PPIG: variants seen among roughly 807,000 people sequenced by gnomAD.
The protein encoded by PPIG is peptidylprolyl isomerase G.
In PPIG, 26 loss-of-function variants were observed where a neutral mutation model predicts 87.9. The observed-to-expected ratio is 0.30, with a 90% confidence interval of 0.22 to 0.41. PPIG has a LOEUF of 0.41. Ranked by LOEUF, PPIG falls within the 10% of genes least tolerant of loss-of-function variation. PPIG has a pLI of 1.00. For missense variants in PPIG, 722 were observed against 879.4 expected, an observed-to-expected ratio of 0.82 and a Z score of 2.26; for synonymous variants, 308 against 276.5, an observed-to-expected ratio of 1.11 and a Z score of -1.13.
At chr2:169,588,159 A>G (rs1048160189) in intron 1 of PPIG, among the ~76,000 whole-genome samples, 2 of 152,074 alleles carry the variant, frequency 1.3e-5, no homozygotes, top group African/African-American at 4.8e-5. Context: ...GCGAAACTCC[A>G]TCTCAAAAAA....
chr2:169,595,535 TA>T (rs1191231249), intron 1 of PPIG, among the ~76,000 whole-genome samples: 1 of 152,176 alleles, frequency 6.6e-6, no homozygotes, highest in Non-Finnish European at 1.5e-5. Flanking sequence ...TTGCACCCAT[TA>T]ACCATCCTCA....
chr2:169,627,476 A>G (rs977316604), intron 9 of PPIG, among the ~76,000 whole-genome samples: 6 of 152,158 alleles, frequency 3.9e-5, no homozygotes, highest in Admixed American at 6.6e-5. Flanking sequence ...TTGTTTATGA[A>G]ATGTATTTAA....
In PPIG at chr2:169,605,949, G is replaced by A; in HGVS notation, c.137-90G>A. 5 of 819,594 alleles carry A rather than the reference G, an allele frequency of 6.1e-6. No homozygotes were observed. In the South Asian group the frequency reaches 6.4e-5, roughly 11 times the overall value. The allele number at this position is 819,594 out of a possible 1,614,324, so 50.8% of individuals were successfully genotyped here. A position where few individuals can be genotyped will look rare whatever the true frequency, so the allele number is the denominator to read the frequency against. On this transcript the variant is annotated intron_variant, in intron 4 of 13. Transcript: ENST00000260970. The stretch of plus-strand genomic sequence containing the variant: ...TGAAAATATGATTTTAAGTCTGCAG[G>A]GTTCAAGAGGGGCATATTTTACATT...
chr2:169,622,586 C>T (rs1369158210), intron 9 of PPIG, among the ~76,000 whole-genome samples: 2 of 152,112 alleles, frequency 1.3e-5, no homozygotes, highest in African/African-American at 4.8e-5. Flanking sequence ...TGAGATTTGG[C>T]CCTTTATTAA....
rs987090896 is a variant in PPIG at position 169,633,386 on chromosome 2, T to C, written c.1017+139T>C. ...GATGCAGGCATTGAATTATATATTC[T>C]CTTTCTTAAGCAGCTTCTGTATGTT... On this transcript the variant is annotated intron_variant, in intron 12 of 13. Coordinates refer to ENST00000260970, the MANE Select transcript of PPIG (RefSeq NM_004792.3). The C allele has an allele frequency of 2.1e-5, 15 of 708,346 alleles. No individual in the cohort carries two copies. In the African/African-American group the frequency reaches 2.5e-4, roughly 12 times the overall value. The allele number at this position is 708,346 out of a possible 1,614,324, so 43.9% of individuals were successfully genotyped here. A position where few individuals can be genotyped will look rare whatever the true frequency, so the allele number is the denominator to read the frequency against.
In PPIG at chr2:169,636,790, A is replaced by T; in HGVS notation, c.1532A>T (p.Gln511Leu). 1.2e-6 allele frequency: 2 copies of T among 1,612,458 alleles called. No homozygotes were observed. The highest frequency in any genetic ancestry group is 1.7e-6 in the Non-Finnish European group (2 of 1,179,756). The change falls in exon 14 of 14, where the codon CAG (glutamine) becomes CTG (leucine). Residue 511 changes from glutamine to leucine, a missense_variant. Transcript: ENST00000260970. The part of the protein sequence containing the change: ...EKQSDSKGKD[Q>L]ERSRSKEKSK... Reference sequence around the variant, plus strand: ...CAGTCTGATTCTAAAGGAAAAGATCAGGAAAGGAGTAGAAGTAAAGAGAAG... The same window carrying T: ...CAGTCTGATTCTAAAGGAAAAGATCTGGAAAGGAGTAGAAGTAAAGAGAAG...
intron 1 of PPIG, among the ~76,000 whole-genome samples, chr2:169,598,396 T>C (rs1685080883): frequency 6.6e-6 from 1 of 152,082 alleles, no homozygotes; most frequent in Non-Finnish European, 1.5e-5. Flanking sequence ...GTTCACACCT[T>C]TCTCCTGCCT....
At chr2:169,633,663 T>TA (rs3214767) in intron 12 of PPIG, 29,576 of 204,522 alleles carry the variant, frequency 0.14, 2,333 homozygotes, top group African/African-American at 0.2. Context: ...TTTCCTGTCT[T>TA]ATGTCTTCAC....
At chr2:169,612,873 A>G (rs1482111861) in intron 7 of PPIG, among the ~76,000 whole-genome samples, 1 of 152,106 alleles carries the variant, frequency 6.6e-6, no homozygotes, top group Non-Finnish European at 1.5e-5. Flanking sequence ...TTGGTGGGTT[A>G]TATGCTAATA....
chr2:169,604,031 G>A lies in PPIG; in HGVS notation c.-11G>A. ...AAACTGTATTTTACTCACAGATTAAGTATTGGAGCCATGGGAATAAAGGTT... is the reference window on the plus strand; with the variant it reads ...AAACTGTATTTTACTCACAGATTAAATATTGGAGCCATGGGAATAAAGGTT... On this transcript the variant is annotated 5_prime_UTR_variant, in exon 3 of 14. Coordinates refer to ENST00000260970, the MANE Select transcript of PPIG (RefSeq NM_004792.3). 6.2e-7 allele frequency: 1 copy of A among 1,612,394 alleles called. No homozygotes were observed. The highest frequency in any genetic ancestry group is 8.5e-7 in the Non-Finnish European group (1 of 1,178,772).
intron 7 of PPIG, among the ~76,000 whole-genome samples, chr2:169,610,063 A>G (rs10211273): frequency 0.14 from 21,932 of 152,172 alleles, 1,651 homozygotes; most frequent in South Asian, 0.26. Flanking sequence ...TTAAAATCCT[A>G]TCTTATGGGT....
intron 9 of PPIG, among the ~76,000 whole-genome samples, chr2:169,619,808 T>C (rs990295137): frequency 6.6e-6 from 1 of 152,134 alleles, no homozygotes; most frequent in Non-Finnish European, 1.5e-5. Flanking sequence ...AGTGTAGTTT[T>C]AATTTGCATT....
In PPIG at chr2:169,639,459, G is replaced by A. The variant is rs1170700248; in HGVS notation, c.*1936G>A. On this transcript the variant is annotated 3_prime_UTR_variant, in exon 14 of 14. Coordinates refer to ENST00000260970, the MANE Select transcript of PPIG (RefSeq NM_004792.3). ...TGCTAAGTAAAAATTCTTACATGTTGTCTGATCCCAGAGCTTTATCTACTA... is the reference window on the plus strand; with the variant it reads ...TGCTAAGTAAAAATTCTTACATGTTATCTGATCCCAGAGCTTTATCTACTA... The A allele has an allele frequency of 6.6e-6, 1 of 151,924 alleles. No homozygotes were observed. The highest frequency in any genetic ancestry group is 1.5e-5 in the Non-Finnish European group (1 of 67,916). 9.4% of individuals were successfully genotyped at this position (151,924 alleles called of 1,614,324 possible).
intron 9 of PPIG, among the ~76,000 whole-genome samples, chr2:169,630,136 T>G (rs1217935844): frequency 1.8e-5 from 2 of 114,230 alleles, no homozygotes; most frequent in Non-Finnish European, 3.7e-5. Context: ...TCCTTTAAAC[T>G]CTGAGTTTTT....
Position 169,639,809 on chromosome 2 carries a change from C to A in PPIG, c.*2286C>A, listed in dbSNP as rs1271925263. 2.6e-5 allele frequency: 4 copies of A among 152,206 alleles called. No individual in the cohort carries two copies. The East Asian group carries it at 5.8e-4, about 22-fold the overall frequency. The allele number at this position is 152,206 out of a possible 1,614,324, so 9.4% of individuals were successfully genotyped here. A position where few individuals can be genotyped will look rare whatever the true frequency, so the allele number is the denominator to read the frequency against. ...CTCAAATGGTCCTTTCCTTTTGTTA[C>A]ATTTAGTAGTTGTGCCATCTTTAGT... is the stretch of plus-strand genomic sequence containing the variant. On this transcript the variant is annotated 3_prime_UTR_variant, in exon 14 of 14. Transcript: ENST00000260970.
intron 9 of PPIG, among the ~76,000 whole-genome samples, chr2:169,618,433 A>T (rs1003923868): frequency 2.6e-5 from 4 of 152,132 alleles, no homozygotes; most frequent in Non-Finnish European, 4.4e-5. Context: ...GAATGGTACC[A>T]GCTCCTCTTT....
rs781029521 is a variant in PPIG, at chr2:169,637,574, G to T, written c.*51G>T. 3 of 1,439,728 alleles carry T rather than the reference G, an allele frequency of 2.1e-6. No homozygotes were observed. The allele number at this position is 1,439,728 out of a possible 1,614,324, so 89.2% of individuals were successfully genotyped here. On this transcript the variant is annotated 3_prime_UTR_variant, in exon 14 of 14. Transcript: ENST00000260970. ...TCTGTTTCGGATTTTAAGTTTGAGA[G>T]ACTTGCTAATGAATCTCCTTTATGT... is the stretch of plus-strand genomic sequence containing the variant.
At chr2:169,626,243 T>A (rs1236723910) in intron 9 of PPIG, among the ~76,000 whole-genome samples, 4 of 152,208 alleles carry the variant, frequency 2.6e-5, no homozygotes, top group Admixed American at 1.3e-4. Flanking sequence ...TCAATATTGA[T>A]ATTGTGATAT....
chr2:169,596,253 C>T (rs112187273), intron 1 of PPIG, among the ~76,000 whole-genome samples: 5,176 of 151,594 alleles, frequency 0.034, 318 homozygotes, highest in African/African-American at 0.12. Context: ...TACAGGCACA[C>T]GCCATCATGC....
Sources: gnomAD v4.1 joint callset for allele counts (sites outside exome capture counted in the v4.1 genomes callset) on GRCh38, gnomAD v4.1.1 for gene constraint, MANE v1.5 for transcripts, NCBI Gene and HGNC (gene_info 2026-07-23, HGNC 2026-07-21) for gene names.